Variants in FBXL13 observed in about 807,000 individuals in gnomAD.
FBXL13 encodes the protein F-box and leucine rich repeat protein 13.
A neutral mutation model predicts 83.6 loss-of-function variants in FBXL13; 67 were observed. That is an observed-to-expected ratio of 0.80 (90% CI 0.66 to 0.98). FBXL13 has a LOEUF of 0.98. FBXL13 is among the 50% of genes least tolerant of loss of function. FBXL13 has a pLI of 0.00. For synonymous variants in FBXL13, 272 were observed against 299.5 expected (o/e 0.91, Z 0.95); for missense variants, 822 against 866.5 (o/e 0.95, Z 0.64).
intron 19 of FBXL13, among the ~76,000 whole-genome samples, chr7:102,821,368 A>G (rs1798789926): frequency 6.6e-6 from 1 of 151,878 alleles, no homozygotes; most frequent in African/African-American, 2.4e-5. Context: ...TCTTTTTTCC[A>G]TTTCATTTTA....
chr7:102,859,753 A>G (rs139315040), intron 16 of FBXL13, among the ~76,000 whole-genome samples: 1 of 152,244 alleles, frequency 6.6e-6, no homozygotes, highest in Non-Finnish European at 1.5e-5. Context: ...GGTCTCCCTC[A>G]TAAGTCAGCC....
chr7:102,972,571 C>A (rs894807059), intron 6 of FBXL13, among the ~76,000 whole-genome samples: 2 of 151,922 alleles, frequency 1.3e-5, no homozygotes, highest in African/African-American at 4.8e-5. Flanking sequence ...GTAATGGGTG[C>A]GCTAAAATCT....
intron 6 of FBXL13, among the ~76,000 whole-genome samples, chr7:102,984,461 C>T (rs1828698692): frequency 6.6e-6 from 1 of 152,062 alleles, no homozygotes; most frequent in Admixed American, 6.5e-5. Context: ...GCCAAGAAGT[C>T]CAAGACCTTC....
intron 6 of FBXL13, among the ~76,000 whole-genome samples, chr7:103,002,622 G>C (rs980932040): frequency 2.0e-5 from 3 of 152,092 alleles, no homozygotes; most frequent in African/African-American, 7.2e-5. Flanking sequence ...TTAAGCTTTT[G>C]TTTGCCTGGG....
chr7:103,011,838 A>G (rs1036468758), intron 6 of FBXL13, among the ~76,000 whole-genome samples: 3 of 152,170 alleles, frequency 2.0e-5, no homozygotes, highest in Non-Finnish European at 4.4e-5. Flanking sequence ...TCCAAGAAAT[A>G]TGGGATTATG....
At chr7:103,011,078 C>G (rs752166716) in intron 6 of FBXL13, among the ~76,000 whole-genome samples, 1 of 152,144 alleles carries the variant, frequency 6.6e-6, no homozygotes, top group Admixed American at 6.5e-5. Context: ...CAAGAGACAT[C>G]GGCCCACACA....
At chr7:102,973,033 C>T (rs1291242326) in intron 6 of FBXL13, 1 of 157,278 alleles carries the variant, frequency 6.4e-6, no homozygotes, top group African/African-American at 2.4e-5. Context: ...ATCACCACCT[C>T]ACATAATTAT....
chr7:102,923,421 A>G (rs898596880), intron 10 of FBXL13, among the ~76,000 whole-genome samples: 1 of 152,330 alleles, frequency 6.6e-6, no homozygotes, highest in African/African-American at 2.4e-5. Flanking sequence ...GTGCAGTAGC[A>G]TTTTCACCGT....
At chr7:102,969,870 G>C (rs956132004) in intron 6 of FBXL13, among the ~76,000 whole-genome samples, 12 of 150,676 alleles carry the variant, frequency 8.0e-5, no homozygotes, top group Non-Finnish European at 1.5e-4. Flanking sequence ...GAAAAGAAAA[G>C]AAAAGGAAAG....
intron 11 of FBXL13, among the ~76,000 whole-genome samples, chr7:102,903,939 C>CTTTTCT (rs1321420603): frequency 0.054 from 2,339 of 43,556 alleles, 96 homozygotes; most frequent in East Asian, 0.11. Flanking sequence ...CTTTTCTTTT[C>CTTTTCT]TTTTTTTTTT....
At chr7:102,834,180 C>T (rs984354049) in intron 17 of FBXL13, among the ~76,000 whole-genome samples, 9 of 150,476 alleles carry the variant, frequency 6.0e-5, no homozygotes, top group African/African-American at 2.2e-4. Context: ...GAAATTTCCT[C>T]CCCCAAAATG....
intron 6 of FBXL13, among the ~76,000 whole-genome samples, chr7:103,022,350 G>C (rs1462428289): frequency 4.0e-5 from 6 of 151,834 alleles, no homozygotes; most frequent in Non-Finnish European, 8.8e-5. Context: ...GGAGGGGTGA[G>C]GGATAGCATT....
chr7:102,943,804 T>C (rs1290110091), intron 8 of FBXL13, among the ~76,000 whole-genome samples: 1 of 152,218 alleles, frequency 6.6e-6, no homozygotes, highest in African/African-American at 2.4e-5. Context: ...GTAAATGGAG[T>C]GACCATCTGT....
chr7:103,070,093 A>G (rs1467738127), intron 1 of FBXL13, among the ~76,000 whole-genome samples: 3 of 152,016 alleles, frequency 2.0e-5, no homozygotes, highest in Admixed American at 6.5e-5. Flanking sequence ...AAAAAAAAAA[A>G]AAAGAAATTA....
At chr7:102,877,280 G>T (rs1000364957) in intron 16 of FBXL13, among the ~76,000 whole-genome samples, 187 bp downstream of exon 17, 4 of 152,100 alleles carry the variant, frequency 2.6e-5, no homozygotes, top group Non-Finnish European at 5.9e-5. Flanking sequence ...TTTTTAAACA[G>T]AGAAACATGA....
At chr7:102,848,988 G>A (rs1011169589) in intron 17 of FBXL13, among the ~76,000 whole-genome samples, 4 of 152,050 alleles carry the variant, frequency 2.6e-5, no homozygotes, top group East Asian at 1.9e-4. Flanking sequence ...CAACAAGAGC[G>A]AAACTCCATC....
chr7:103,015,481 T>C (rs1023289392), intron 6 of FBXL13, among the ~76,000 whole-genome samples: 1 of 152,110 alleles, frequency 6.6e-6, no homozygotes, highest in Non-Finnish European at 1.5e-5. Context: ...GACAAACAAC[T>C]TCAACAAAGT....
intron 6 of FBXL13, among the ~76,000 whole-genome samples, chr7:103,017,658 C>T (rs373407735): frequency 5.9e-5 from 9 of 151,970 alleles, no homozygotes; most frequent in South Asian, 2.1e-4. Context: ...AACCATGACA[C>T]GAGAAATATG....
chr7:103,003,121 T>C (rs781409262), intron 6 of FBXL13, among the ~76,000 whole-genome samples: 2 of 152,012 alleles, frequency 1.3e-5, no homozygotes, highest in African/African-American at 2.4e-5. Context: ...CCTTTGCATA[T>C]TTTCACATTG....
Sources: allele counts gnomAD v4.1 joint callset (sites outside exome capture counted in the v4.1 genomes callset), GRCh38; gene constraint gnomAD v4.1.1; transcripts MANE v1.5; gene names NCBI Gene and HGNC (gene_info 2026-07-23, HGNC 2026-07-21).